Variants in EYS observed in about 807,000 individuals in gnomAD.
The protein encoded by EYS is protein eyes shut homolog.
In EYS, 250 loss-of-function variants were observed where a neutral mutation model predicts 282.1. The ratio of observed to expected loss-of-function variants is 0.89; its 90% CI spans 0.80 to 0.98. The LOEUF is 0.98. EYS is among the 50% of genes least tolerant of loss of function. The probability of loss-of-function intolerance (pLI) is 0.00; values close to 1 mark genes in which losing one functional copy is unlikely to be tolerated. For synonymous variants in EYS, 1,355 were observed against 1,282.9 expected (o/e 1.06, Z -1.20); for missense variants, 4,016 against 3,709.0 (o/e 1.08, Z -2.15).
intron 12 of EYS, among the ~76,000 whole-genome samples, chr6:65,265,069 C>A (rs1165383802): frequency 6.6e-6 from 1 of 151,818 alleles, no homozygotes; most frequent in African/African-American, 2.4e-5. Context: ...ACATGGGCAA[C>A]AACAGAAATT....
intron 30 of EYS, among the ~76,000 whole-genome samples, chr6:64,274,012 C>T (rs372340816): frequency 1.2e-4 from 19 of 152,306 alleles, no homozygotes; most frequent in African/African-American, 3.6e-4. Flanking sequence ...CTTATCCCTC[C>T]GGATCACGTT....
chr6:65,393,973 A>G (rs552196401), intron 7 of EYS, among the ~76,000 whole-genome samples: 2 of 152,168 alleles, frequency 1.3e-5, no homozygotes, highest in South Asian at 4.1e-4. Context: ...CTGATTTTTA[A>G]AAACATAGTA....
At chr6:65,324,089 T>C (rs1224823208) in intron 11 of EYS, among the ~76,000 whole-genome samples, 1 of 151,400 alleles carries the variant, frequency 6.6e-6, no homozygotes, top group African/African-American at 2.4e-5. Flanking sequence ...TTTATTCCCA[T>C]CTCTGATTAA....
chr6:65,214,498 G>T (rs1439294957), intron 12 of EYS, among the ~76,000 whole-genome samples: 1 of 152,188 alleles, frequency 6.6e-6, no homozygotes, highest in East Asian at 1.9e-4. Flanking sequence ...GGTAGCAGAA[G>T]TTGGATCTTA....
chr6:64,746,862 A>T (rs1772573670), intron 22 of EYS, among the ~76,000 whole-genome samples: 1 of 152,252 alleles, frequency 6.6e-6, no homozygotes, highest in South Asian at 2.1e-4. Context: ...CAATTTTATG[A>T]TTATAAGAAT....
chr6:64,987,827 A>C (rs1460187378), intron 14 of EYS, among the ~76,000 whole-genome samples: 1 of 151,556 alleles, frequency 6.6e-6, no homozygotes, highest in African/African-American at 2.4e-5. Flanking sequence ...GTATATAGTA[A>C]TAAGAATTTA....
At chr6:64,794,033 T>G (rs1774272104) in intron 22 of EYS, among the ~76,000 whole-genome samples, 1 of 152,162 alleles carries the variant, frequency 6.6e-6, no homozygotes, top group Non-Finnish European at 1.5e-5. Flanking sequence ...TCAACCATTC[T>G]ACTCTCTGTT....
intron 1 of EYS, among the ~76,000 whole-genome samples, chr6:65,676,432 A>T (rs1768600580): frequency 6.6e-6 from 1 of 151,848 alleles, no homozygotes; most frequent in African/African-American, 2.4e-5. Flanking sequence ...TACAAAAATT[A>T]TACGTCTACA....
rs74798524 is a variant in EYS, at chr6:65,123,034, A to G, written c.2024-65307T>C. Among the ~76,000 whole-genome samples the G allele has an allele frequency of 8.5e-4, 129 of 152,282 alleles. 4 individuals are homozygous for G. In the East Asian group the frequency reaches 0.02, roughly 24 times the overall value. On this transcript the variant is annotated intron_variant, in intron 12 of 42. Transcript: ENST00000503581. ...ATGATTTTTATGAGTACTTGCAGCT[A>G]TGCTATGTCTATTTAACTTAAATAT...
chr6:64,314,707 A>G (rs1265003476), intron 29 of EYS, among the ~76,000 whole-genome samples: 1 of 152,192 alleles, frequency 6.6e-6, no homozygotes, highest in African/African-American at 2.4e-5. Flanking sequence ...TAAGGCACAA[A>G]TAAAGATGTT....
chr6:64,002,155 G>A (rs1768125909), intron 33 of EYS, among the ~76,000 whole-genome samples: 1 of 152,162 alleles, frequency 6.6e-6, no homozygotes, highest in South Asian at 2.1e-4. Context: ...AGGGATGTCT[G>A]GATGCCAAGG....
At chr6:64,032,066 A>G (rs1769874115) in intron 33 of EYS, among the ~76,000 whole-genome samples, 1 of 152,128 alleles carries the variant, frequency 6.6e-6, no homozygotes, top group Non-Finnish European at 1.5e-5. Context: ...CCCTGAAGCC[A>G]GCGAGACCAC....
At chr6:64,727,012 C>T (rs904749836) in intron 22 of EYS, among the ~76,000 whole-genome samples, 21 of 152,056 alleles carry the variant, frequency 1.4e-4, no homozygotes, top group African/African-American at 4.8e-4. Context: ...ATCCTGTCAC[C>T]GAATGGTGAG....
intron 13 of EYS, among the ~76,000 whole-genome samples, chr6:65,010,835 C>G (rs1011561420): frequency 2.0e-5 from 3 of 152,128 alleles, no homozygotes. Flanking sequence ...CGAGGGAACA[C>G]CTATCAAACA....
chr6:64,981,545 T>C (rs1242720086), intron 14 of EYS, among the ~76,000 whole-genome samples: 1 of 150,558 alleles, frequency 6.6e-6, no homozygotes, highest in Non-Finnish European at 1.5e-5. Flanking sequence ...CTTCTCTTAC[T>C]ATACCCATAT....
At chr6:64,711,882 T>C (rs989190746) in intron 22 of EYS, among the ~76,000 whole-genome samples, 7 of 152,114 alleles carry the variant, frequency 4.6e-5, no homozygotes, top group Admixed American at 3.9e-4. Flanking sequence ...TCTGACTGGT[T>C]TGTGAATATG....
chr6:63,830,995 C>G (rs1432287323), intron 36 of EYS, among the ~76,000 whole-genome samples: 4 of 152,076 alleles, frequency 2.6e-5, no homozygotes, highest in Admixed American at 2.0e-4. Flanking sequence ...GAAATAAAAT[C>G]CTTTACAGAC....
At chr6:64,461,806 T>C (rs1562008575) in intron 26 of EYS, among the ~76,000 whole-genome samples, 1 of 152,206 alleles carries the variant, frequency 6.6e-6, no homozygotes, top group Admixed American at 6.5e-5. Context: ...ATAAAAATTG[T>C]CATTTTAAAA....
intron 35 of EYS, among the ~76,000 whole-genome samples, chr6:63,917,273 G>T (rs1792100120): frequency 6.6e-6 from 1 of 152,226 alleles, no homozygotes; most frequent in Non-Finnish European, 1.5e-5. Flanking sequence ...AGAAATACTG[G>T]TTGATAGAAG....
Sources: gnomAD v4.1 joint callset for allele counts (sites outside exome capture counted in the v4.1 genomes callset) on GRCh38, gnomAD v4.1.1 for gene constraint, MANE v1.5 for transcripts, NCBI Gene and HGNC (gene_info 2026-07-23, HGNC 2026-07-21) for gene names.